CLRN3: variants seen among roughly 807,000 people sequenced by gnomAD.
CLRN3 encodes clarin 3.
A neutral mutation model predicts 16.7 loss-of-function variants in CLRN3; 12 were observed. The ratio of observed to expected loss-of-function variants is 0.72; its 90% CI spans 0.46 to 1.16. The LOEUF (loss-of-function observed/expected upper bound fraction) is 1.16. CLRN3 is among the 50% of genes most tolerant of loss of function. CLRN3 has a pLI of 0.00. For missense variants in CLRN3, 296 were observed against 274.2 expected (o/e 1.08, Z -0.56); for synonymous variants, 118 against 113.0 (o/e 1.04, Z -0.28).
intron 1 of CLRN3, among the ~76,000 whole-genome samples, chr10:127,890,643 C>T (rs1339803091): frequency 1.3e-5 from 2 of 152,102 alleles, no homozygotes; most frequent in Non-Finnish European, 2.9e-5. Context: ...GGCGTTTGTA[C>T]AGATTTGATT....
intron 1 of CLRN3, among the ~76,000 whole-genome samples, chr10:127,888,603 G>T (rs1427338285): frequency 1.3e-5 from 2 of 152,166 alleles, no homozygotes; most frequent in Non-Finnish European, 2.9e-5. Context: ...AACACATGGA[G>T]GTTAGTGGAG....
At chr10:127,888,893 T>C in intron 1 of CLRN3, among the ~76,000 whole-genome samples, 1 of 152,092 alleles carries the variant, frequency 6.6e-6, no homozygotes, top group East Asian at 1.9e-4. Flanking sequence ...AACACTCAAT[T>C]AGGATCACCT....
chr10:127,884,962 G>A (rs1723183195), intron 1 of CLRN3, among the ~76,000 whole-genome samples: 1 of 152,240 alleles, frequency 6.6e-6, no homozygotes, highest in South Asian at 2.1e-4. Flanking sequence ...GTCACAGTAA[G>A]GCCACAGCAA....
intron 1 of CLRN3, among the ~76,000 whole-genome samples, chr10:127,888,206 C>T (rs1483221562): frequency 6.6e-6 from 1 of 152,230 alleles, no homozygotes; most frequent in Non-Finnish European, 1.5e-5. Context: ...GCTCCCAGTG[C>T]CCATGGGAGG....
At chr10:127,882,385 C>T (rs540670283) in intron 2 of CLRN3, among the ~76,000 whole-genome samples, 2 of 152,284 alleles carry the variant, frequency 1.3e-5, no homozygotes, top group Non-Finnish European at 2.9e-5. Context: ...AATGCTTTTC[C>T]ATTTTAAAAA....
At chr10:127,879,255 T>C (rs1005303032) in intron 2 of CLRN3, among the ~76,000 whole-genome samples, 1 of 152,122 alleles carries the variant, frequency 6.6e-6, no homozygotes, top group African/African-American at 2.4e-5. Context: ...ACTACAGGTA[T>C]ATGCCACCAT....
intron 1 of CLRN3, among the ~76,000 whole-genome samples, chr10:127,891,639 A>G (rs1845258580): frequency 6.6e-6 from 1 of 152,264 alleles, no homozygotes; most frequent in Admixed American, 6.5e-5. Context: ...TCATTAACAA[A>G]GTCATAAACA....
intron 1 of CLRN3, among the ~76,000 whole-genome samples, chr10:127,884,694 C>A (rs1010608265): frequency 6.6e-6 from 1 of 152,236 alleles, no homozygotes; most frequent in Non-Finnish European, 1.5e-5. Flanking sequence ...GGTGCCCTGG[C>A]TGTCAGTCCT....
At chr10:127,882,651 A>G (rs1591259734) in intron 2 of CLRN3, among the ~76,000 whole-genome samples, 1 of 152,304 alleles carries the variant, frequency 6.6e-6, no homozygotes, top group African/African-American at 2.4e-5. Context: ...GGTAAGGATG[A>G]CACTCAATGG....
intron 1 of CLRN3, among the ~76,000 whole-genome samples, chr10:127,886,991 G>C (rs917045778): frequency 6.6e-6 from 1 of 152,226 alleles, no homozygotes; most frequent in Non-Finnish European, 1.5e-5. Flanking sequence ...GGGTGGGTGG[G>C]ATGTGGCCAC....
chr10:127,889,313 C>T (rs1037871767), intron 1 of CLRN3, among the ~76,000 whole-genome samples: 26 of 151,284 alleles, frequency 1.7e-4, no homozygotes, highest in Non-Finnish European at 2.1e-4. Context: ...CAAAGCAAGA[C>T]GCTGTCTCAA....
At position 127,892,688 on chromosome 10, in the gene CLRN3, A is replaced by G. The variant is rs769470783; in HGVS notation, c.97T>C (p.Trp33Arg). ...VICSILGTQA[W>R]ITSTIAVRDS... Reference sequence around the variant, plus strand: ...CTAACAGCAATTGTACTGGTGATCCATGCTTGTGTCCCAAGAATAGAGCAA... The same window carrying G: ...CTAACAGCAATTGTACTGGTGATCCGTGCTTGTGTCCCAAGAATAGAGCAA... The change falls in exon 1 of 3, where the codon TGG becomes CGG. Residue 33 changes from tryptophan to arginine, a missense_variant. Coordinates refer to ENST00000368671, the MANE Select transcript of CLRN3 (RefSeq NM_152311.5). 3 of 1,612,948 alleles carry G rather than the reference A, an allele frequency of 1.9e-6. No individual in the cohort carries two copies. The highest frequency in any genetic ancestry group is 1.1e-5 in the South Asian group (1 of 91,054).
intron 2 of CLRN3, among the ~76,000 whole-genome samples, chr10:127,882,599 A>G (rs1845141904): frequency 6.6e-6 from 1 of 152,136 alleles, no homozygotes; most frequent in Admixed American, 6.6e-5. Flanking sequence ...ACTCCATGAC[A>G]TGGAGACGCT....
intron 2 of CLRN3, among the ~76,000 whole-genome samples, chr10:127,880,291 G>A (rs1845112584): frequency 6.6e-6 from 1 of 152,098 alleles, no homozygotes; most frequent in Admixed American, 6.5e-5. Context: ...TGATTTGAAT[G>A]GGGAGGGGCC....
chr10:127,890,945 C>A (rs1845251500), intron 1 of CLRN3, among the ~76,000 whole-genome samples: 1 of 152,134 alleles, frequency 6.6e-6, no homozygotes, highest in Admixed American at 6.6e-5. Context: ...CAGTGCAGCC[C>A]CTTCATTAAT....
intron 1 of CLRN3, among the ~76,000 whole-genome samples, chr10:127,890,331 A>C (rs974423596): frequency 2.0e-5 from 3 of 152,190 alleles, no homozygotes; most frequent in African/African-American, 7.2e-5. Context: ...CGCACCCTCC[A>C]GTTACACACT....
Sources: gnomAD v4.1 joint callset for allele counts (sites outside exome capture counted in the v4.1 genomes callset) on GRCh38, gnomAD v4.1.1 for gene constraint, MANE v1.5 for transcripts, NCBI Gene and HGNC (gene_info 2026-07-23, HGNC 2026-07-21) for gene names.